The following FCHO1 variants were observed in gnomAD, a reference collection of about 807,000 sequenced individuals.
FCHO1 encodes the protein F-BAR domain only protein 1.
A neutral mutation model predicts 114.4 loss-of-function variants in FCHO1; 45 were observed. The ratio of observed to expected loss-of-function variants is 0.39; its 90% CI spans 0.31 to 0.50. The LOEUF (loss-of-function observed/expected upper bound fraction) is 0.50, where lower values mean the gene tolerates loss of function less well. FCHO1 is among the 20% of genes least tolerant of loss of function. The pLI is 0.77. For synonymous variants in FCHO1, 480 were observed against 488.9 expected (o/e 0.98, Z 0.24); for missense variants, 1,042 against 1,209.6 (o/e 0.86, Z 2.06).
intron 4 of FCHO1, among the ~76,000 whole-genome samples, chr19:17,756,301 A>G: frequency 6.6e-6 from 1 of 152,096 alleles, no homozygotes; most frequent in Admixed American, 6.6e-5. Flanking sequence ...GTGAGGGGCT[A>G]CCCCTTTCTG....
rs751378912 is a variant in FCHO1, at chr19:17,784,068, C to A, written c.2094-35C>A. ...GCTGGGAGCCCTGGGAGGGCATGTC[C>A]CGAGGATTGGGGTGATCAGTCCGGG... On this transcript the variant is annotated intron_variant, in intron 24 of 28. Transcript: ENST00000596536. This position sits in a 1 kb window ranked among gnomAD's most constrained non-coding sequence, Gnocchi z 5.3. 101 of 1,593,980 alleles carry A rather than the reference C, an allele frequency of 6.3e-5. No individual in the cohort carries two copies. Among genetic ancestry groups the A allele is most frequent in the Non-Finnish European group, 8.6e-5 (100 of 1,166,126 alleles).
intron 4 of FCHO1, among the ~76,000 whole-genome samples, chr19:17,760,403 C>G (rs2085637532): frequency 6.6e-6 from 1 of 152,036 alleles, no homozygotes. Context: ...GATGCCCTTC[C>G]CAGGTGACAG....
intron 7 of FCHO1, among the ~76,000 whole-genome samples, chr19:17,769,274 C>CAAAAAAAA (rs34490038): frequency 1.7e-4 from 9 of 51,814 alleles, no homozygotes; most frequent in African/African-American, 3.6e-4. Flanking sequence ...GACTCCGCCT[C>CAAAAAAAA]AAAAAAAAAA....
chr19:17,766,639 A>G, intron 6 of FCHO1, 30 bp from the exon 7 acceptor site: 1 of 1,612,370 alleles, frequency 6.2e-7, no homozygotes, highest in Non-Finnish European at 8.5e-7. Flanking sequence ...GAGCCTGATG[A>G]ACCCTGGGTG....
chr19:17,778,102 A>C, intron 18 of FCHO1, 35 bp from the exon 19 acceptor site: 1 of 1,543,984 alleles, frequency 6.5e-7, no homozygotes, highest in Non-Finnish European at 9.0e-7. Flanking sequence ...GCTTGGGAAA[A>C]ATAGAAGCAG....
chr19:17,787,732 C>G lies in FCHO1; in HGVS notation c.2533C>G (p.Pro845Ala). The G allele has an allele frequency of 6.3e-7, 1 of 1,586,116 alleles. No individual in the cohort carries two copies. The highest frequency in any genetic ancestry group is 8.6e-7 in the Non-Finnish European group (1 of 1,167,580). ...GGAGCCGCTCTCAGGGCCCAGCACA[C>G]CCAGCCCCGTGGCTGCACAGTTCAC... ...SWEPLSGPST[P>A]SPVAAQFTSE... The change falls in exon 28 of 29, where the codon CCC becomes GCC. Residue 845 changes from proline (P) to alanine (A), a missense_variant. Physicochemically the swap from Pro to Ala is conservative, Grantham distance 27 (BLOSUM62 -1). This residue lies in a region of FCHO1 where 137 missense variants were observed against 190.0 expected (regional missense o/e 0.72). Transcript: ENST00000596536.
Position 17,762,757 on chromosome 19 carries a change from T to G in FCHO1, c.28-5T>G. ...TTTCTCAATCTCTATTCCCATCCCC[T>G]GCAGGGCGAGAAAAATCATGGCTTT... On this transcript the variant is annotated splice_region_variant and splice_polypyrimidine_tract_variant and intron_variant, in intron 4 of 28. Coordinates refer to ENST00000596536, the MANE Select transcript of FCHO1 (RefSeq NM_015122.3). 6.2e-7 allele frequency: 1 copy of G among 1,609,350 alleles called. No individual in the cohort carries two copies. Among genetic ancestry groups the G allele is most frequent in the Non-Finnish European group, 8.5e-7 (1 of 1,175,678 alleles).
At chr19:17,778,500 A>T in intron 19 of FCHO1, 109 bp from the exon 20 acceptor site, 2 of 1,328,988 alleles carry the variant, frequency 1.5e-6, no homozygotes, top group Non-Finnish European at 2.0e-6. Flanking sequence ...AAGGACTTTG[A>T]ATGGGGGCCC....
chr19:17,774,453 C>G lies in FCHO1; in HGVS notation c.895C>G (p.Arg299Gly). The change falls in exon 13 of 29, where the codon CGG becomes GGG. Residue 299 changes from arginine (R) to glycine (G), a missense_variant. This residue lies in a region of FCHO1 where 450 missense variants were observed against 564.1 expected (regional missense o/e 0.80). Transcript: ENST00000596536. ...CCTTCCAGGACTAAGCCGGCGGGAG[C>G]GGGAGCCAGAGCCACCTGCAGCTGT... ...FRLPGLSRRE[R>G]EPEPPAAVDF... 1 of 1,613,416 alleles carries G rather than the reference C, an allele frequency of 6.2e-7. No individual in the cohort carries two copies. Among genetic ancestry groups the G allele is most frequent in the Non-Finnish European group, 8.5e-7 (1 of 1,179,986 alleles).
chr19:17,787,572 C>T (rs892241816), intron 27 of FCHO1, 110 bp from the exon 28 acceptor site: 1 of 1,230,432 alleles, frequency 8.1e-7, no homozygotes, highest in Non-Finnish European at 1.1e-6. Context: ...TCTGATGGGG[C>T]ACATAAAGGC....
At chr19:17,766,601 C>T in intron 6 of FCHO1, 68 bp from the exon 7 acceptor site, 1 of 1,597,862 alleles carries the variant, frequency 6.3e-7, no homozygotes, top group South Asian at 1.1e-5. Context: ...ATACCTGAGC[C>T]AGTGCCAGCG....
At chr19:17,757,746 C>T (rs1455320221) in intron 4 of FCHO1, among the ~76,000 whole-genome samples, 3 of 152,082 alleles carry the variant, frequency 2.0e-5, no homozygotes, top group Non-Finnish European at 4.4e-5. Flanking sequence ...AAGACCCCGT[C>T]TCTACTAAAA....
At chr19:17,769,474 G>A (rs2090704060) in intron 7 of FCHO1, among the ~76,000 whole-genome samples, 1 of 151,578 alleles carries the variant, frequency 6.6e-6, no homozygotes, top group Admixed American at 6.6e-5. Flanking sequence ...AGCTACTCAG[G>A]AGGCTGAGGC....
In FCHO1 at chr19:17,774,294, C is replaced by G. The variant is rs771883268; in HGVS notation, c.835+11C>G. The G allele has an allele frequency of 1.6e-5, 26 of 1,613,938 alleles. No homozygotes were observed. Among genetic ancestry groups the G allele is most frequent in the Non-Finnish European group, 1.0e-5 (12 of 1,179,992 alleles). On this transcript the variant is annotated intron_variant, in intron 12 of 28. Transcript: ENST00000596536. ...CTGCCCTGCAGGAAGGCAAGTACGTCTGGGCCTGGATGCCCAGGCTGGACC... is the reference window on the plus strand; with the variant it reads ...CTGCCCTGCAGGAAGGCAAGTACGTGTGGGCCTGGATGCCCAGGCTGGACC...
In FCHO1 at chr19:17,784,383, AG is replaced by A. The variant is rs769794862; in HGVS notation, c.2226+151del. 3.1e-5 allele frequency: 32 copies of A among 1,032,894 alleles called. No individual in the cohort carries two copies. Among genetic ancestry groups the A allele is most frequent in the Non-Finnish European group, 4.3e-5 (31 of 715,894 alleles). 64.0% of individuals were successfully genotyped at this position (1,032,894 alleles called of 1,614,324 possible). A position where few individuals can be genotyped will look rare whatever the true frequency, so the allele number is the denominator to read the frequency against. ...CAATCTGTGAGAGCCGATGAGCTGG[AG>A]GGAGTAGGCAGTGTGGGTCGGGAAT... On this transcript the variant is annotated intron_variant, in intron 25 of 28. Transcript: ENST00000596536. This position sits in a 1 kb window ranked among gnomAD's most constrained non-coding sequence, Gnocchi z 5.3.
Position 17,776,520 on chromosome 19 carries a change from C to G in FCHO1, c.1208-115C>G. 1 of 1,233,334 alleles carries G rather than the reference C, an allele frequency of 8.1e-7. No individual in the cohort carries two copies. Among genetic ancestry groups the G allele is most frequent in the East Asian group, 2.3e-5 (1 of 42,958 alleles). 76.4% of individuals were successfully genotyped at this position (1,233,334 alleles called of 1,614,324 possible). A position where few individuals can be genotyped will look rare whatever the true frequency, so the allele number is the denominator to read the frequency against. On this transcript the variant is annotated intron_variant, in intron 17 of 28. Coordinates refer to ENST00000596536, the MANE Select transcript of FCHO1 (RefSeq NM_015122.3). The surrounding 1 kb of genome is among the most constrained non-coding windows in gnomAD (Gnocchi z 4.4). The stretch of plus-strand genomic sequence containing the variant: ...CTTGAATCCATGTCTGCCTGATTTG[C>G]TGATCACCTTGGGCAACTGGCTGGA...
At chr19:17,753,674 T>G (rs906486466) in intron 1 of FCHO1, 1 of 152,222 alleles carries the variant, frequency 6.6e-6, no homozygotes, top group Non-Finnish European at 1.5e-5. Context: ...TAACTAACTT[T>G]CTTTCTTTTT....
intron 4 of FCHO1, 52 bp from the exon 5 acceptor site, chr19:17,762,709 CA>C (rs2086827130): frequency 7.4e-7 from 1 of 1,359,226 alleles, no homozygotes; most frequent in African/African-American, 1.4e-5. Flanking sequence ...CGTTGCTAAG[CA>C]ACTATGATGT....
At chr19:17,783,981 AGG>A (rs1334968271) in intron 24 of FCHO1, 120 bp from the exon 25 acceptor site, 3 of 1,217,958 alleles carry the variant, frequency 2.5e-6, no homozygotes, top group Non-Finnish European at 3.5e-6. Context: ...CCACCCAGGT[AGG>A]GCTTTGCTGG....
Sources: allele counts gnomAD v4.1 joint callset (sites outside exome capture counted in the v4.1 genomes callset), GRCh38; gene constraint gnomAD v4.1.1; regional missense constraint gnomAD v4.1.1; non-coding constraint Gnocchi (gnomAD v3.1); transcripts MANE v1.5; gene names NCBI Gene and HGNC (gene_info 2026-07-23, HGNC 2026-07-21).